Variants in KLHL23 observed in about 807,000 individuals in gnomAD.
KLHL23 encodes the protein kelch-like protein 23.
A neutral mutation model predicts 48.9 loss-of-function variants in KLHL23; 33 were observed. The ratio of observed to expected loss-of-function variants is 0.67; its 90% CI spans 0.51 to 0.90. The LOEUF (loss-of-function observed/expected upper bound fraction) is 0.90. KLHL23 is among the 40% of genes least tolerant of loss of function. The pLI, the probability that KLHL23 is intolerant of heterozygous loss-of-function variation, is 0.00. For missense variants in KLHL23, 608 were observed against 669.6 expected, an observed-to-expected ratio of 0.91 and a Z score of 1.02; for synonymous variants, 234 against 231.6, an observed-to-expected ratio of 1.01 and a Z score of -0.09.
At chr2:169,741,308 C>A in intron 2 of KLHL23, 77 bp from the exon 3 acceptor site, 1 of 1,520,330 alleles carries the variant, frequency 6.6e-7, no homozygotes, top group Non-Finnish European at 8.8e-7. Context: ...ACAAAAACAA[C>A]AATAAATTTA....
In KLHL23 at chr2:169,750,266, C is replaced by G. The variant is rs1335666600; in HGVS notation, c.*534C>G. 6.5e-6 allele frequency: 1 copy of G among 152,902 alleles called. No homozygotes were observed. Among genetic ancestry groups the G allele is most frequent in the African/African-American group, 2.4e-5 (1 of 41,252 alleles). The allele number at this position is 152,902 out of a possible 1,614,324, so 9.5% of individuals were successfully genotyped here. ...AACTACCTTTGTAGTGAATCTTTTC[C>G]TCTTGGTAGCATCAACACTGGGGAT... is the stretch of plus-strand genomic sequence containing the variant. On this transcript the variant is annotated 3_prime_UTR_variant, in exon 4 of 4. Coordinates refer to ENST00000392647, the MANE Select transcript of KLHL23 (RefSeq NM_144711.6).
At chr2:169,748,916 G>C (rs1215948479) in intron 3 of KLHL23, among the ~76,000 whole-genome samples, 1 of 151,986 alleles carries the variant, frequency 6.6e-6, no homozygotes, top group Non-Finnish European at 1.5e-5. Context: ...TTAGCTTCTT[G>C]AGTTCATAAC....
intron 2 of KLHL23, among the ~76,000 whole-genome samples, chr2:169,740,735 A>G (rs1330121043): frequency 2.1e-5 from 3 of 143,146 alleles, no homozygotes; most frequent in Non-Finnish European, 4.5e-5. Flanking sequence ...GGCGTGAGCC[A>G]CTGCGCCCGG....
chr2:169,743,600 CATT>C (rs768441900), intron 3 of KLHL23, among the ~76,000 whole-genome samples: 15 of 152,178 alleles, frequency 9.9e-5, no homozygotes, highest in Admixed American at 2.0e-4. Context: ...AAGTAAAAAT[CATT>C]ATTTCTGTCC....
Position 169,735,812 on chromosome 2 carries a change from G to A in KLHL23, c.798G>A (p.Glu266=). Residue 266 remains glutamate (E), a synonymous_variant, in exon 2 of 4, where the codon GAG becomes GAA. Coordinates refer to ENST00000392647, the MANE Select transcript of KLHL23 (RefSeq NM_144711.6). This position sits in a 1 kb window ranked among gnomAD's most constrained non-coding sequence, Gnocchi z 4.5. ...IYNALNPMHK[E]ISQRSTATMY... ...ATGCCTTGAATCCCATGCATAAAGAGATTTCCCAGAGGTCCACAGCCACAA... is the reference window on the plus strand; with the variant it reads ...ATGCCTTGAATCCCATGCATAAAGAAATTTCCCAGAGGTCCACAGCCACAA... 1.2e-6 allele frequency: 2 copies of A among 1,614,038 alleles called. No individual in the cohort carries two copies. The highest frequency in any genetic ancestry group is 1.7e-6 in the Non-Finnish European group (2 of 1,180,018).
rs189385398 is a variant in KLHL23 at position 169,741,474 on chromosome 2, A to G, written c.1303A>G (p.Lys435Glu). ...CTACAGAGGAAGCTGCACCTATGAC[A>G]AAGTTCAGAGCTACAATTCCGATAT... is the stretch of plus-strand genomic sequence containing the variant. ...CGYRGSCTYD[K>E]VQSYNSDINE... The change falls in exon 3 of 4, where the codon AAA becomes GAA. Residue 435 changes from lysine to glutamate, a missense_variant. Lys to Glu is a moderately conservative substitution (Grantham distance 56, BLOSUM62 1). Around this residue, in one of 3 missense-constraint regions of KLHL23, gnomAD observed 179 missense variants for 169.9 expected, o/e 1.05. Coordinates refer to ENST00000392647, the MANE Select transcript of KLHL23 (RefSeq NM_144711.6). 43 of 1,614,058 alleles carry G rather than the reference A, an allele frequency of 2.7e-5. No homozygotes were observed. The Admixed American group carries it at 6.0e-4, about 23-fold the overall frequency.
rs1055060098 is a variant in KLHL23 at position 169,750,344 on chromosome 2, T to A, written c.*612T>A. ...TGTTTCTCAAGAGCCTATAATATAG[T>A]AGATAGTGCATATTAAGATGTCTGG... On this transcript the variant is annotated 3_prime_UTR_variant, in exon 4 of 4. Coordinates refer to ENST00000392647, the MANE Select transcript of KLHL23 (RefSeq NM_144711.6). 1.3e-5 allele frequency: 2 copies of A among 152,216 alleles called. No individual in the cohort carries two copies. The highest frequency in any genetic ancestry group is 2.4e-5 in the African/African-American group (1 of 41,254). 9.4% of individuals were successfully genotyped at this position (152,216 alleles called of 1,614,324 possible).
At position 169,749,458 on chromosome 2, in the gene KLHL23, T is replaced by G; in HGVS notation, c.1403T>G (p.Leu468Arg). 1 of 1,613,632 alleles carries G rather than the reference T, an allele frequency of 6.2e-7. No individual in the cohort carries two copies. The highest frequency in any genetic ancestry group is 8.5e-7 in the Non-Finnish European group (1 of 1,179,602). The change falls in exon 4 of 4, where the codon CTC (leucine) becomes CGC (arginine). Residue 468 changes from leucine to arginine, a missense_variant. Physicochemically the swap from Leu to Arg is moderately radical, Grantham distance 102. Coordinates refer to ENST00000392647, the MANE Select transcript of KLHL23 (RefSeq NM_144711.6). ...TGCTCAGTTCCGTTTGAAAATAAGCTCTATCTAGTCGGCGGACAAACTACA... is the reference window on the plus strand; with the variant it reads ...TGCTCAGTTCCGTTTGAAAATAAGCGCTATCTAGTCGGCGGACAAACTACA... ...GLCSVPFENK[L>R]YLVGGQTTIT...
intron 3 of KLHL23, among the ~76,000 whole-genome samples, chr2:169,746,530 G>A (rs1178294866): frequency 2.0e-5 from 3 of 152,184 alleles, no homozygotes; most frequent in African/African-American, 7.2e-5. Context: ...CCTACATGCT[G>A]CTATATACTC....
At chr2:169,747,170 C>G (rs1456143075) in intron 3 of KLHL23, among the ~76,000 whole-genome samples, 5 of 151,870 alleles carry the variant, frequency 3.3e-5, no homozygotes, top group Non-Finnish European at 4.4e-5. Context: ...AAGACTAGCA[C>G]CTGGGCAACA....
chr2:169,736,660 G>C (rs115833651), intron 2 of KLHL23, among the ~76,000 whole-genome samples: 2,743 of 152,224 alleles, frequency 0.018, 37 homozygotes, highest in Non-Finnish European at 0.023. Context: ...AGTCCTCTCT[G>C]AGAGGGGCAG....
chr2:169,742,705 T>G (rs1688705299), intron 3 of KLHL23, among the ~76,000 whole-genome samples: 1 of 152,128 alleles, frequency 6.6e-6, no homozygotes, highest in Non-Finnish European at 1.5e-5. Context: ...AGAAGGAACT[T>G]TAGCCCCAGG....
chr2:169,735,146 A>G lies in KLHL23; in HGVS notation c.132A>G (p.Ser44=), dbSNP rs761116905. The change falls in exon 2 of 4, where the codon TCA becomes TCG. Residue 44 remains serine (S), a synonymous_variant. Transcript: ENST00000392647. This position sits in a 1 kb window ranked among gnomAD's most constrained non-coding sequence, Gnocchi z 4.5. ...LFTDITLQCP[S]GIIFHCHRAV... ...CTGATATTACTCTTCAGTGTCCTTC[A>G]GGCATAATTTTCCATTGTCACCGAG... 50 of 1,613,350 alleles carry G rather than the reference A, an allele frequency of 3.1e-5. No homozygotes were observed. The highest frequency in any genetic ancestry group is 4.1e-5 in the Non-Finnish European group (48 of 1,179,910).
At chr2:169,749,164 C>T (rs1460303280) in intron 3 of KLHL23, among the ~76,000 whole-genome samples, 2 of 152,144 alleles carry the variant, frequency 1.3e-5, no homozygotes, top group Non-Finnish European at 2.9e-5. Context: ...GGGTGAGTTC[C>T]TCCCTGGCCT....
rs988147844 is a variant in KLHL23, at chr2:169,749,831, G to T, written c.*99G>T. 1 of 1,416,732 alleles carries T rather than the reference G, an allele frequency of 7.1e-7. No individual in the cohort carries two copies. Among genetic ancestry groups the T allele is most frequent in the African/African-American group, 1.4e-5 (1 of 69,396 alleles). 87.8% of individuals were successfully genotyped at this position (1,416,732 alleles called of 1,614,324 possible). The stretch of plus-strand genomic sequence containing the variant: ...AGTTCCTTACCTGATAATTGTGTCT[G>T]GCACATGATAGGGGATCAGTAAATT... On this transcript the variant is annotated 3_prime_UTR_variant, in exon 4 of 4. Transcript: ENST00000392647.
Position 169,736,105 on chromosome 2 carries a change from C to G in KLHL23, c.1091C>G (p.Ala364Gly). ...PMLNARYYHC[A>G]VTLGGCVYAL... ...CTCAATGCCAGGTATTACCACTGTG[C>G]AGTCACCTTGGGTGGCTGTGTCTAT... The change falls in exon 2 of 4, where the codon GCA becomes GGA. Residue 364 changes from alanine to glycine, a missense_variant. By Grantham distance (60) the Ala-to-Gly change is moderately conservative. This residue lies in a region of KLHL23 where 419 missense variants were observed against 473.1 expected (regional missense o/e 0.89). Coordinates refer to ENST00000392647, the MANE Select transcript of KLHL23 (RefSeq NM_144711.6). 1 of 1,614,180 alleles carries G rather than the reference C, an allele frequency of 6.2e-7. No homozygotes were observed. Among genetic ancestry groups the G allele is most frequent in the Non-Finnish European group, 8.5e-7 (1 of 1,180,022 alleles).
chr2:169,741,839 G>T (rs1688683882), intron 3 of KLHL23, among the ~76,000 whole-genome samples: 1 of 152,104 alleles, frequency 6.6e-6, no homozygotes, highest in Non-Finnish European at 1.5e-5. Context: ...TTTCATTTAT[G>T]ACATTAATTA....
At chr2:169,743,183 A>C (rs1323715954) in intron 3 of KLHL23, among the ~76,000 whole-genome samples, 1 of 152,208 alleles carries the variant, frequency 6.6e-6, no homozygotes, top group Admixed American at 6.5e-5. Flanking sequence ...CCGATACATG[A>C]AAAGTCAGAA....
chr2:169,735,626 T>C lies in KLHL23; in HGVS notation c.612T>C (p.Val204=). The change falls in exon 2 of 4, where the codon GTT becomes GTC. Residue 204 remains valine (V), a synonymous_variant. Coordinates refer to ENST00000392647, the MANE Select transcript of KLHL23 (RefSeq NM_144711.6). This position sits in a 1 kb window ranked among gnomAD's most constrained non-coding sequence, Gnocchi z 4.5. Reference sequence around the variant, plus strand: ...AAGAAGAAGCTATCATAGAGCCAGTTATTAAGTGGACTGCTCATGATGTAG... The same window carrying C: ...AAGAAGAAGCTATCATAGAGCCAGTCATTAAGTGGACTGCTCATGATGTAG... ...VWKEEAIIEP[V]IKWTAHDVEN... 1 of 1,614,062 alleles carries C rather than the reference T, an allele frequency of 6.2e-7. No homozygotes were observed. The highest frequency in any genetic ancestry group is 8.5e-7 in the Non-Finnish European group (1 of 1,180,046).
Sources: allele counts gnomAD v4.1 joint callset (sites outside exome capture counted in the v4.1 genomes callset), GRCh38; gene constraint gnomAD v4.1.1; regional missense constraint gnomAD v4.1.1; non-coding constraint Gnocchi (gnomAD v3.1); transcripts MANE v1.5; gene names NCBI Gene and HGNC (gene_info 2026-07-23, HGNC 2026-07-21).